NTMT2: variants seen among roughly 807,000 people sequenced by gnomAD.
The protein encoded by NTMT2 is N-terminal Xaa-Pro-Lys N-methyltransferase 2.
Under a neutral mutation model 23.4 loss-of-function variants are expected in NTMT2, and 21 were observed. That is an observed-to-expected ratio of 0.90 (90% CI 0.64 to 1.29). NTMT2 has a LOEUF of 1.29. Ranked by LOEUF, NTMT2 falls within the 50% of genes most tolerant of loss-of-function variation. NTMT2 has a pLI of 0.00. For missense variants in NTMT2, 336 were observed against 352.0 expected (o/e 0.95, Z 0.36); for synonymous variants, 131 against 127.7 (o/e 1.03, Z -0.17).
At chr1:170,167,201 G>A (rs514257) in intron 3 of NTMT2, among the ~76,000 whole-genome samples, 58,512 of 152,038 alleles carry the variant, frequency 0.38, 13,241 homozygotes, top group East Asian at 0.69. Flanking sequence ...GGGTTCTCCA[G>A]GGGACATGGA....
chr1:170,167,740 A>G lies in NTMT2; in HGVS notation c.835A>G (p.Ser279Gly), dbSNP rs61747972. ...CIPVWMFALH[S>G]DRHS Reference sequence around the variant, plus strand: ...CCCCGTGTGGATGTTCGCACTGCACAGCGACAGACACTCCTGAAAAAGCAG... The same window carrying G: ...CCCCGTGTGGATGTTCGCACTGCACGGCGACAGACACTCCTGAAAAAGCAG... Residue 279 changes from serine (S) to glycine (G), a missense_variant, in exon 4 of 4, where the codon AGC (serine) becomes GGC (glycine). Ser to Gly is a moderately conservative substitution (Grantham distance 56, BLOSUM62 0). Transcript: ENST00000439373. 1.4e-3 allele frequency: 2,214 copies of G among 1,550,046 alleles called. 23 individuals carry two copies. In the African/African-American group the frequency reaches 0.026, roughly 18 times the overall value.
Position 170,146,010 on chromosome 1 carries a change from T to A in NTMT2, c.-98T>A. The A allele has an allele frequency of 8.4e-7, 1 of 1,193,274 alleles. No individual in the cohort carries two copies. The highest frequency in any genetic ancestry group is 1.2e-6 in the Non-Finnish European group (1 of 861,428). The allele number at this position is 1,193,274 out of a possible 1,614,324, so 73.9% of individuals were successfully genotyped here. On this transcript the variant is annotated 5_prime_UTR_variant, in exon 1 of 4. The change abolishes an upstream ATG in the 5' untranslated region. Transcript: ENST00000439373. The stretch of plus-strand genomic sequence containing the variant: ...AGATGGAGAGGGGACTGGTTTAAAA[T>A]GACAGTCTCAAGTTCATTTAGAAAG...
intron 1 of NTMT2, among the ~76,000 whole-genome samples, chr1:170,154,751 G>A (rs1673133086): frequency 6.6e-6 from 1 of 152,178 alleles, no homozygotes; most frequent in Non-Finnish European, 1.5e-5. Flanking sequence ...ATGCTGGAAT[G>A]AGTTAAGACT....
intron 2 of NTMT2, 25 bp downstream of exon 2, chr1:170,160,718 T>G (rs548529121): frequency 6.7e-7 from 1 of 1,500,436 alleles, no homozygotes; most frequent in East Asian, 2.5e-5. Flanking sequence ...TGCAGCTTGA[T>G]GAGAAGGCAA....
rs1339842126 is a variant in NTMT2, at chr1:170,166,559, G to A, written c.388G>A (p.Val130Ile). Residue 130 changes from valine (V) to isoleucine (I), a missense_variant, in exon 3 of 4, where the codon GTC (valine) becomes ATC (isoleucine). By Grantham distance (29) the Val-to-Ile change is conservative. Transcript: ENST00000439373. ...GGACTGCGGCTCCGGGATAGGAAGG[G>A]TCAGCAAACACGTCTTATTGCCTGT... ...ALDCGSGIGRVSKHVLLPVFN... is the reference protein window; with the variant it reads ...ALDCGSGIGRISKHVLLPVFN... The A allele has an allele frequency of 1.3e-6, 2 of 1,552,196 alleles. No individual in the cohort carries two copies. Among genetic ancestry groups the A allele is most frequent in the Non-Finnish European group, 1.7e-6 (2 of 1,147,142 alleles).
rs181485115 is a variant in NTMT2 at position 170,146,262 on chromosome 1, G to A, written c.154+1G>A. On this transcript the variant is annotated splice_donor_variant, in intron 1 of 3. Coordinates refer to ENST00000439373, the MANE Select transcript of NTMT2 (RefSeq NM_001136107.2). LOFTEE classifies it high-confidence loss of function. ...TACCTGCTGGAAAAAATTCCCCTGGGTAAGTGAGTCAGAGCTACTAGATAA... is the reference window on the plus strand; with the variant it reads ...TACCTGCTGGAAAAAATTCCCCTGGATAAGTGAGTCAGAGCTACTAGATAA... The A allele has an allele frequency of 4.4e-5, 68 of 1,549,366 alleles. No homozygotes were observed. Among genetic ancestry groups the A allele is most frequent in the Admixed American group, 4.1e-4 (21 of 50,650 alleles).
At chr1:170,156,610 A>G (rs887498295) in intron 1 of NTMT2, among the ~76,000 whole-genome samples, 2 of 152,092 alleles carry the variant, frequency 1.3e-5, no homozygotes, top group Non-Finnish European at 2.9e-5. Flanking sequence ...GCCAGTATAT[A>G]TATTTCTATA....
Position 170,156,506 on chromosome 1 carries a change from T to G in NTMT2, c.155-4012T>G, listed in dbSNP as rs867193179. 1.6e-4 allele frequency among the ~76,000 whole-genome samples: 25 copies of G among 152,270 alleles called. No individual in the cohort carries two copies. In the Middle Eastern group the frequency reaches 0.017, roughly 104 times the overall value. On this transcript the variant is annotated intron_variant, in intron 1 of 3. Transcript: ENST00000439373. ...GAATTCAACTAATAATGTAGATCAA[T>G]AAATAAATATTACATTAAATAAAAA...
At chr1:170,161,388 T>A (rs1052964443) in intron 2 of NTMT2, among the ~76,000 whole-genome samples, 4 of 152,194 alleles carry the variant, frequency 2.6e-5, no homozygotes, top group African/African-American at 9.6e-5. Context: ...TTATACATAG[T>A]TTTGATTTTA....
In NTMT2 at chr1:170,167,731, G is replaced by C; in HGVS notation, c.826G>C (p.Ala276Pro). The C allele has an allele frequency of 2.6e-6, 4 of 1,551,080 alleles. No homozygotes were observed. Among genetic ancestry groups the C allele is most frequent in the African/African-American group, 1.4e-5 (1 of 73,106 alleles). Reference protein sequence around the residue: ...PEQCIPVWMFALHSDRHS With the variant: ...PEQCIPVWMFPLHSDRHS ...GCAGTGCATCCCCGTGTGGATGTTC[G>C]CACTGCACAGCGACAGACACTCCTG... Residue 276 changes from alanine (A) to proline (P), a missense_variant, in exon 4 of 4, where the codon GCA becomes CCA. By Grantham distance (27) the Ala-to-Pro change is conservative (BLOSUM62 -1). Transcript: ENST00000439373.
chr1:170,168,749 T>C lies in NTMT2; in HGVS notation c.*992T>C, dbSNP rs1296999439. On this transcript the variant is annotated 3_prime_UTR_variant, in exon 4 of 4. Transcript: ENST00000439373. ...GTTCATTGCAGCTGCTCCTGGGGTC[T>C]TGATTGATATGAATGTATATTGGAA... 6.6e-6 allele frequency among the ~76,000 whole-genome samples: 1 copy of C among 152,228 alleles called. No individual in the cohort carries two copies.
chr1:170,160,769 A>G (rs892291436), intron 2 of NTMT2, 76 bp downstream of exon 2: 10 of 1,304,404 alleles, frequency 7.7e-6, no homozygotes, highest in Admixed American at 3.1e-5. Context: ...CTGTGTTGTT[A>G]TTTAAGTCAC....
intron 2 of NTMT2, among the ~76,000 whole-genome samples, chr1:170,162,125 A>C (rs1673286095): frequency 6.6e-6 from 1 of 152,158 alleles, no homozygotes; most frequent in Admixed American, 6.5e-5. Context: ...AACAAAGCAA[A>C]GCAAAGCAAC....
chr1:170,157,133 A>G (rs1409111951), intron 1 of NTMT2, among the ~76,000 whole-genome samples: 2 of 152,140 alleles, frequency 1.3e-5, no homozygotes, highest in Admixed American at 6.5e-5. Context: ...TGTTGAATTT[A>G]TAAGCACTTA....
chr1:170,156,829 A>G (rs1673173244), intron 1 of NTMT2, among the ~76,000 whole-genome samples: 1 of 151,988 alleles, frequency 6.6e-6, no homozygotes, highest in African/African-American at 2.4e-5. Context: ...GCCTGCTGAG[A>G]TTGGCATTCA....
intron 1 of NTMT2, among the ~76,000 whole-genome samples, chr1:170,159,420 G>GTTTTTTTTTTTTT (rs1673225599): frequency 7.9e-5 from 7 of 88,226 alleles, no homozygotes; most frequent in African/African-American, 8.6e-5. Context: ...TTTATGCTCT[G>GTTTTTTTTTTTTT]GTTTTTTTTT....
At chr1:170,154,770 C>T (rs1018578137) in intron 1 of NTMT2, among the ~76,000 whole-genome samples, 7 of 151,674 alleles carry the variant, frequency 4.6e-5, no homozygotes, top group Non-Finnish European at 1.0e-4. Context: ...CTTTGGGGGA[C>T]TATTGAGAAG....
chr1:170,160,824 C>A (rs570357930), intron 2 of NTMT2, 131 bp downstream of exon 2: 3 of 694,800 alleles, frequency 4.3e-6, no homozygotes, highest in African/African-American at 1.8e-5. Context: ...GCCTGCAAGC[C>A]GGTTTTAAGA....
intron 1 of NTMT2, among the ~76,000 whole-genome samples, chr1:170,148,671 C>T (rs996067323): frequency 6.6e-6 from 1 of 152,150 alleles, no homozygotes; most frequent in Admixed American, 6.5e-5. Flanking sequence ...CAAATTAACT[C>T]TGGAATCTTA....
Sources: allele counts gnomAD v4.1 joint callset (sites outside exome capture counted in the v4.1 genomes callset), GRCh38; gene constraint gnomAD v4.1.1; transcripts MANE v1.5; gene names NCBI Gene and HGNC (gene_info 2026-07-23, HGNC 2026-07-21).